TTC17: variants seen among roughly 807,000 people sequenced by gnomAD.
TTC17 encodes tetratricopeptide repeat protein 17.
A neutral mutation model predicts 143.8 loss-of-function variants in TTC17; 58 were observed. The ratio of observed to expected loss-of-function variants is 0.40; its 90% confidence interval spans 0.33 to 0.50. The LOEUF is 0.50. Ranked by LOEUF, TTC17 falls within the 20% of genes least tolerant of loss-of-function variation. TTC17 has a pLI of 0.49. For missense variants in TTC17, 1,273 were observed against 1,392.5 expected, an observed-to-expected ratio of 0.91 and a Z score of 1.37; for synonymous variants, 501 against 497.8, an observed-to-expected ratio of 1.01 and a Z score of -0.09.
chr11:43,369,965 A>G, intron 1 of TTC17: 1 of 416,250 alleles, frequency 2.4e-6, no homozygotes, highest in Non-Finnish European at 4.7e-6. Context: ...AAAAAGTCAT[A>G]ATTAACAAAT....
At chr11:43,404,210 T>A (rs1858008157) in intron 11 of TTC17, 66 bp downstream of exon 11, 2 of 1,479,772 alleles carry the variant, frequency 1.4e-6, no homozygotes, top group East Asian at 4.6e-5. Flanking sequence ...GCAGTGGCCC[T>A]CAACCTCACT....
chr11:43,434,313 T>C (rs1320102504), intron 16 of TTC17, among the ~76,000 whole-genome samples: 1 of 152,116 alleles, frequency 6.6e-6, no homozygotes, highest in Non-Finnish European at 1.5e-5. Flanking sequence ...GTTGTACTTT[T>C]CACTGCTCCC....
chr11:43,408,970 C>G (rs994929656), intron 15 of TTC17, among the ~76,000 whole-genome samples: 1 of 151,754 alleles, frequency 6.6e-6, no homozygotes, highest in African/African-American at 2.4e-5. Flanking sequence ...CTTGAACACC[C>G]GAGCTCAAGC....
At chr11:43,446,978 A>C (rs994278499) in intron 18 of TTC17, among the ~76,000 whole-genome samples, 2 of 152,196 alleles carry the variant, frequency 1.3e-5, no homozygotes, top group East Asian at 1.9e-4. Flanking sequence ...TGGACAAGTC[A>C]CTTAGTCTCT....
intron 21 of TTC17, among the ~76,000 whole-genome samples, chr11:43,472,125 G>A (rs1948103724): frequency 6.6e-6 from 1 of 152,180 alleles, no homozygotes; most frequent in African/African-American, 2.4e-5. Context: ...GGGAGGCTAA[G>A]ACAGGAGGAT....
chr11:43,447,676 A>G (rs1947573221), intron 18 of TTC17: 1 of 200,796 alleles, frequency 5.0e-6, no homozygotes, highest in African/African-American at 2.3e-5. Context: ...TAAAATCAAA[A>G]TACAGAGGGG....
chr11:43,362,027 CTGGAGTGCAATGGCGCTATCT>C (rs1176952988), intron 1 of TTC17, among the ~76,000 whole-genome samples: 4 of 144,012 alleles, frequency 2.8e-5, no homozygotes, highest in African/African-American at 1.1e-4. Flanking sequence ...GTTGCCCAGG[CTGGAGTGCAATGGCGCTATCT>C]TGGCTCACCA....
At chr11:43,367,259 A>G (rs1301446154) in intron 1 of TTC17, among the ~76,000 whole-genome samples, 2 of 152,206 alleles carry the variant, frequency 1.3e-5, no homozygotes, top group African/African-American at 2.4e-5. Flanking sequence ...ATAATTTCAG[A>G]GATCATTCCT....
At chr11:43,396,667 T>C (rs1437577027) in intron 5 of TTC17, 42 bp from the exon 6 acceptor site, 3 of 1,220,368 alleles carry the variant, frequency 2.5e-6, no homozygotes, top group Non-Finnish European at 3.5e-6. Context: ...TAAGTTAAAC[T>C]GTCTTGAGTC....
chr11:43,479,818 G>A (rs1411711108), intron 21 of TTC17, among the ~76,000 whole-genome samples: 1 of 152,154 alleles, frequency 6.6e-6, no homozygotes, highest in African/African-American at 2.4e-5. Flanking sequence ...CAAGTGATTA[G>A]GGTTTTCAGA....
intron 10 of TTC17, among the ~76,000 whole-genome samples, chr11:43,403,340 A>T (rs777711370): frequency 6.6e-6 from 1 of 152,156 alleles, no homozygotes; most frequent in Non-Finnish European, 1.5e-5. Context: ...CGTCATATTC[A>T]TTCCTTTTCC....
intron 21 of TTC17, among the ~76,000 whole-genome samples, chr11:43,479,358 A>G (rs764855703): frequency 5.3e-5 from 8 of 152,220 alleles, no homozygotes; most frequent in Non-Finnish European, 1.0e-4. Flanking sequence ...ATGAGTAGGT[A>G]AATTTAAAAA....
intron 21 of TTC17, among the ~76,000 whole-genome samples, chr11:43,476,803 C>T (rs1230212640): frequency 6.6e-6 from 1 of 151,590 alleles, no homozygotes; most frequent in African/African-American, 2.4e-5. Context: ...CTGATGTGGC[C>T]TGGAGACATC....
chr11:43,401,683 C>CT (rs1310790183), intron 10 of TTC17, 125 bp downstream of exon 10: 60 of 683,086 alleles, frequency 8.8e-5, no homozygotes, highest in Non-Finnish European at 1.3e-4. Context: ...TCATTTAGAT[C>CT]TTTAAGATTT....
At chr11:43,471,556 G>A (rs181704328) in intron 21 of TTC17, among the ~76,000 whole-genome samples, 6 of 152,324 alleles carry the variant, frequency 3.9e-5, no homozygotes, top group African/African-American at 7.2e-5. Context: ...TATGGACAGC[G>A]GAGAGGAGTG....
At chr11:43,410,126 T>C (rs1858342162) in intron 15 of TTC17, among the ~76,000 whole-genome samples, 1 of 152,222 alleles carries the variant, frequency 6.6e-6, no homozygotes, top group Non-Finnish European at 1.5e-5. Context: ...GTGCTGGGAT[T>C]ACAGGTGTGA....
chr11:43,437,591 ACAAAC>A (rs1947321445), intron 16 of TTC17, among the ~76,000 whole-genome samples: 1 of 152,180 alleles, frequency 6.6e-6, no homozygotes, highest in Non-Finnish European at 1.5e-5. Context: ...TTATTTAAAA[ACAAAC>A]CAACAAAAAT....
At chr11:43,359,172 T>C in intron 1 of TTC17, 59 bp downstream of exon 1, 4 of 1,482,652 alleles carry the variant, frequency 2.7e-6, no homozygotes, top group Non-Finnish European at 3.6e-6. Context: ...GGGATTACCC[T>C]GCTTGGCCCC....
At chr11:43,451,053 T>C (rs538165214) in intron 20 of TTC17, 129 bp from the exon 21 acceptor site, 10 of 756,094 alleles carry the variant, frequency 1.3e-5, no homozygotes, top group South Asian at 1.1e-4. Flanking sequence ...ACCTTACCAA[T>C]AGGACCACAG....
Sources: allele counts gnomAD v4.1 joint callset (sites outside exome capture counted in the v4.1 genomes callset), GRCh38; gene constraint gnomAD v4.1.1; transcripts MANE v1.5; gene names NCBI Gene and HGNC (gene_info 2026-07-23, HGNC 2026-07-21).